The following GRIP1 variants were observed in gnomAD, a reference collection of about 807,000 sequenced individuals.
The protein encoded by GRIP1 is glutamate receptor-interacting protein 1.
In GRIP1, 45 loss-of-function variants were observed where a neutral mutation model predicts 129.9. That is an observed-to-expected ratio of 0.35 (90% CI 0.27 to 0.44). The LOEUF is 0.44. Ranked by LOEUF, GRIP1 falls within the 20% of genes least tolerant of loss-of-function variation. The pLI is 1.00. For synonymous variants in GRIP1, 530 were observed against 520.8 expected, an observed-to-expected ratio of 1.02 and a Z score of -0.24; for missense variants, 1,196 against 1,396.8, an observed-to-expected ratio of 0.86 and a Z score of 2.29.
rs1006406591 is a variant in GRIP1, at chr12:66,532,746, C to G, written c.419-2832G>C. ...TAAATCACATGGAGGAGACCTGAGA[C>G]TCTTTCTCCCTCTCTCCTCCTCCAC... On this transcript the variant is annotated intron_variant, in intron 4 of 24. Transcript: ENST00000359742. 3.3e-5 allele frequency among the ~76,000 whole-genome samples: 5 copies of G among 152,126 alleles called. No homozygotes were observed. In the South Asian group the frequency reaches 8.3e-4, roughly 25 times the overall value.
intron 2 of GRIP1, chr12:66,568,851 G>C (rs2062857159): frequency 2.2e-6 from 1 of 445,998 alleles, no homozygotes; most frequent in African/African-American, 2.0e-5. Flanking sequence ...AGGTCCAACT[G>C]GTCAGGAAGA....
At chr12:66,964,481 T>C (rs1009953566) in intron 1 of GRIP1, among the ~76,000 whole-genome samples, 5 of 152,104 alleles carry the variant, frequency 3.3e-5, no homozygotes, top group African/African-American at 9.7e-5. Flanking sequence ...ATTGAGCTAC[T>C]TTTACTTTCC....
rs145365836 is a variant in GRIP1, at chr12:66,420,177, A to G, written c.1838+543T>C. Among the ~76,000 whole-genome samples, 212 of 152,310 alleles carry G rather than the reference A, an allele frequency of 1.4e-3. 5 individuals are homozygous for G. The East Asian group carries it at 0.025, about 18-fold the overall frequency. ...TTTTTTAAGTCCTGAATTGGAAAAT[A>G]AAAAGAAAGTTAATGGTCTTATATC... On this transcript the variant is annotated intron_variant, in intron 15 of 24. Coordinates refer to ENST00000359742, the MANE Select transcript of GRIP1 (RefSeq NM_001366722.1).
At chr12:66,463,139 T>C (rs1165382178) in intron 8 of GRIP1, 46 bp from the exon 9 acceptor site, 2 of 1,463,550 alleles carry the variant, frequency 1.4e-6, no homozygotes, top group Admixed American at 3.4e-5. Context: ...CCTTCCTCTT[T>C]GGAATCTGAC....
intron 7 of GRIP1, among the ~76,000 whole-genome samples, chr12:66,511,557 T>C (rs2060699504): frequency 6.6e-6 from 1 of 152,200 alleles, no homozygotes. Flanking sequence ...TTGCCTTCCA[T>C]ACCACAGTTG....
At chr12:66,951,443 T>C (rs2041755795) in intron 1 of GRIP1, among the ~76,000 whole-genome samples, 1 of 152,088 alleles carries the variant, frequency 6.6e-6, no homozygotes, top group African/African-American at 2.4e-5. Flanking sequence ...AGAATGAACA[T>C]GTGGCTGTAA....
chr12:66,822,917 A>G (rs7310013), intron 1 of GRIP1, among the ~76,000 whole-genome samples: 9,228 of 152,232 alleles, frequency 0.061, 960 homozygotes, highest in African/African-American at 0.21. Flanking sequence ...CATACCCCAA[A>G]CCTGAGCATC....
chr12:66,537,764 A>G (rs2061650556), intron 4 of GRIP1, among the ~76,000 whole-genome samples: 1 of 152,162 alleles, frequency 6.6e-6, no homozygotes, highest in Non-Finnish European at 1.5e-5. Context: ...ATGCCTTTTT[A>G]AATTCTTCCT....
At chr12:66,526,633 T>A (rs1313024773) in intron 5 of GRIP1, among the ~76,000 whole-genome samples, 3 of 151,844 alleles carry the variant, frequency 2.0e-5, no homozygotes, top group Non-Finnish European at 4.4e-5. Flanking sequence ...GGACTTCATG[T>A]CTAAAACACC....
At chr12:66,370,214 A>C (rs1233245401) in intron 23 of GRIP1, among the ~76,000 whole-genome samples, 3 of 152,164 alleles carry the variant, frequency 2.0e-5, no homozygotes, top group Admixed American at 1.3e-4. Flanking sequence ...GCCCACCCTC[A>C]AGGCTGCCCA....
intron 1 of GRIP1, among the ~76,000 whole-genome samples, chr12:66,916,039 C>T (rs2041115629): frequency 6.6e-6 from 1 of 152,178 alleles, no homozygotes; most frequent in African/African-American, 2.4e-5. Context: ...GCTAGTGGCA[C>T]TCTGGGCATG....
intron 1 of GRIP1, among the ~76,000 whole-genome samples, chr12:66,846,042 C>T (rs995140946): frequency 1.3e-5 from 2 of 152,288 alleles, no homozygotes; most frequent in South Asian, 2.1e-4. Flanking sequence ...TTCTCATGCC[C>T]GCTATTCTCT....
chr12:66,357,152 C>T (rs1380353723), intron 23 of GRIP1, among the ~76,000 whole-genome samples: 1 of 152,192 alleles, frequency 6.6e-6, no homozygotes, highest in African/African-American at 2.4e-5. Flanking sequence ...GCTGGGATTA[C>T]AGGTGTGAGC....
chr12:66,786,699 C>T (rs946147771), intron 1 of GRIP1, among the ~76,000 whole-genome samples: 2 of 152,094 alleles, frequency 1.3e-5, no homozygotes, highest in African/African-American at 4.8e-5. Flanking sequence ...ATTGGCTCTC[C>T]AGACATACTG....
chr12:67,069,228 C>T, upstream of GRIP1: 1 of 501,908 alleles, frequency 2.0e-6, no homozygotes, highest in Non-Finnish European at 2.6e-6. Context: ...TTCAGCGGGG[C>T]TGGGGCGCCG....
At chr12:66,451,705 C>A (rs889910876) in intron 11 of GRIP1, among the ~76,000 whole-genome samples, 9 of 152,068 alleles carry the variant, frequency 5.9e-5, no homozygotes, top group African/African-American at 1.9e-4. Flanking sequence ...ATCCTGTAAT[C>A]TAAGACTTCT....
At chr12:66,772,836 C>T (rs911669410) in intron 1 of GRIP1, among the ~76,000 whole-genome samples, 4 of 151,494 alleles carry the variant, frequency 2.6e-5, no homozygotes, top group African/African-American at 9.7e-5. Flanking sequence ...CTCATTTAGA[C>T]TGATTATTGA....
At position 66,444,047 on chromosome 12, in the gene GRIP1, G is replaced by A. The variant is rs557371118; in HGVS notation, c.1687+537C>T. On this transcript the variant is annotated intron_variant, in intron 13 of 24. Transcript: ENST00000359742. ...GAAGGCCACATGATTTATTTTTATC[G>A]CCTCTATAGTTGTGGCTATTATACA... Among the ~76,000 whole-genome samples the A allele has an allele frequency of 4.3e-4, 65 of 152,228 alleles. 2 individuals carry two copies. The South Asian group carries it at 8.5e-3, about 20-fold the overall frequency.
At chr12:66,787,607 A>C (rs559070852) in intron 1 of GRIP1, among the ~76,000 whole-genome samples, 2 of 152,202 alleles carry the variant, frequency 1.3e-5, no homozygotes, top group East Asian at 1.9e-4. Context: ...GCCCTTATAA[A>C]AGTGATCCCA....
Sources: gnomAD v4.1 joint callset for allele counts (sites outside exome capture counted in the v4.1 genomes callset) on GRCh38, gnomAD v4.1.1 for gene constraint, MANE v1.5 for transcripts, NCBI Gene and HGNC (gene_info 2026-07-23, HGNC 2026-07-21) for gene names.